The following OR8D4 variants were observed in gnomAD, a reference collection of about 807,000 sequenced individuals.
OR8D4 encodes olfactory receptor 8D4.
For missense variants in OR8D4, 359 were observed against 372.6 expected, an observed-to-expected ratio of 0.96 and a Z score of 0.30; for synonymous variants, 141 against 134.8, an observed-to-expected ratio of 1.05 and a Z score of -0.32.
rs541772190 is a variant in OR8D4, at chr11:123,902,194, C to G, written c.-79C>G. 2.0e-5 allele frequency: 3 copies of G among 152,174 alleles called. No homozygotes were observed. Among genetic ancestry groups the G allele is most frequent in the African/African-American group, 7.2e-5 (3 of 41,446 alleles). The allele number at this position is 152,174 out of a possible 1,614,324, so 9.4% of individuals were successfully genotyped here. A position where few individuals can be genotyped will look rare whatever the true frequency, so the allele number is the denominator to read the frequency against. On this transcript the variant is annotated 5_prime_UTR_variant, in exon 1 of 2. Coordinates refer to ENST00000641687, the MANE Select transcript of OR8D4 (RefSeq NM_001005197.2). Reference sequence around the variant, plus strand: ...AGAAGGTAAAATCAATCCATCTCTACTCCTGAAGTGATGAGGTTAGGAGAA... The same window carrying G: ...AGAAGGTAAAATCAATCCATCTCTAGTCCTGAAGTGATGAGGTTAGGAGAA...
chr11:123,903,029 C>T lies in OR8D4; in HGVS notation c.-16+772C>T, dbSNP rs1365611703. 3.6e-5 allele frequency among the ~76,000 whole-genome samples: 4 copies of T among 109,594 alleles called. No individual in the cohort carries two copies. In the South Asian group the frequency reaches 8.6e-4, roughly 24 times the overall value. The allele number at this position is 109,594 out of a possible 152,430, so 71.9% of individuals were successfully genotyped here. On this transcript the variant is annotated intron_variant, in intron 1 of 1. Coordinates refer to ENST00000641687, the MANE Select transcript of OR8D4 (RefSeq NM_001005197.2). ...CCACATCTGTGGATTCAACCAATGG[C>T]AGATGGAAGATTTTTTTTTAATGGG...
Position 123,907,430 on chromosome 11 carries a change from A to C in OR8D4, c.*54A>C, listed in dbSNP as rs1049934303. On this transcript the variant is annotated 3_prime_UTR_variant, in exon 2 of 2. Transcript: ENST00000641687. ...TATTCATAATCATGATTATATGTAT[A>C]TATTTATACCTTGACTATTTAAAAG... 1 of 762,784 alleles carries C rather than the reference A, an allele frequency of 1.3e-6. No individual in the cohort carries two copies. The highest frequency in any genetic ancestry group is 2.1e-6 in the Non-Finnish European group (1 of 476,386). 47.3% of individuals were successfully genotyped at this position (762,784 alleles called of 1,614,324 possible). A position where few individuals can be genotyped will look rare whatever the true frequency, so the allele number is the denominator to read the frequency against.
chr11:123,909,030 T>C lies in OR8D4; in HGVS notation c.*1654T>C, dbSNP rs1863228680. 1 of 152,176 alleles carries C rather than the reference T, an allele frequency of 6.6e-6. No homozygotes were observed. The highest frequency in any genetic ancestry group is 2.4e-5 in the African/African-American group (1 of 41,450). 9.4% of individuals were successfully genotyped at this position (152,176 alleles called of 1,614,324 possible). A position where few individuals can be genotyped will look rare whatever the true frequency, so the allele number is the denominator to read the frequency against. ...ACATTTGAAAAATATCTTCTGGTTA[T>C]TGATTAGAAAATAGATAGATATTTA... On this transcript the variant is annotated 3_prime_UTR_variant, in exon 2 of 2. Coordinates refer to ENST00000641687, the MANE Select transcript of OR8D4 (RefSeq NM_001005197.2).
At chr11:123,906,324 A>G in intron 1 of OR8D4, 93 bp from the exon 2 acceptor site, 1 of 764,256 alleles carries the variant, frequency 1.3e-6, no homozygotes, top group Non-Finnish European at 2.1e-6. Context: ...CGTAACACAA[A>G]GTCAGTGTTT....
chr11:123,907,436 A>G lies in OR8D4; in HGVS notation c.*60A>G. The G allele has an allele frequency of 4.1e-6, 3 of 739,522 alleles. No individual in the cohort carries two copies. Among genetic ancestry groups the G allele is most frequent in the Non-Finnish European group, 6.5e-6 (3 of 463,580 alleles). The allele number at this position is 739,522 out of a possible 1,614,324, so 45.8% of individuals were successfully genotyped here. ...TAATCATGATTATATGTATATATTT[A>G]TACCTTGACTATTTAAAAGTAATTT... On this transcript the variant is annotated 3_prime_UTR_variant, in exon 2 of 2. Transcript: ENST00000641687.
At position 123,906,740 on chromosome 11, in the gene OR8D4, T is replaced by C; in HGVS notation, c.309T>C (p.Phe103=). 6.2e-7 allele frequency: 1 copy of C among 1,614,074 alleles called. No individual in the cohort carries two copies. Among genetic ancestry groups the C allele is most frequent in the Non-Finnish European group, 8.5e-7 (1 of 1,179,954 alleles). ...SYSGCMIQLF[F]FCVCVISECY... is the part of the protein sequence containing the mutation. The stretch of plus-strand genomic sequence containing the variant: ...CTGGATGCATGATTCAGCTGTTTTT[T>C]TTCTGTGTTTGTGTTATTTCTGAAT... Residue 103 remains phenylalanine (F), a synonymous_variant, in exon 2 of 2, where the codon TTT becomes TTC. Transcript: ENST00000641687.
At chr11:123,903,634 G>C (rs1265252002) in intron 1 of OR8D4, among the ~76,000 whole-genome samples, 1 of 152,088 alleles carries the variant, frequency 6.6e-6, no homozygotes, top group African/African-American at 2.4e-5. Flanking sequence ...TGTATCCCTA[G>C]GCTAGTCAAG....
intron 1 of OR8D4, among the ~76,000 whole-genome samples, chr11:123,903,971 G>A (rs1205593360): frequency 4.6e-5 from 7 of 152,078 alleles, no homozygotes; most frequent in Non-Finnish European, 1.5e-5. Context: ...GTTTAGAGAA[G>A]GAAACAAGAA....
Position 123,907,087 on chromosome 11 carries a change from CT to C in OR8D4, c.660del (p.Phe220LeufsTer26). 6.2e-7 allele frequency: 1 copy of C among 1,614,020 alleles called. No individual in the cohort carries two copies. Among genetic ancestry groups the C allele is most frequent in the African/African-American group, 1.3e-5 (1 of 75,020 alleles). The part of the protein sequence containing the change: ...ATSLTIIISY[A>X]FILTSILRIH... ...AGCCTAACAATCATTATTTCATATGCTTTTATCCTCACCAGCATCCTGCGCA... is the reference window on the plus strand; with the variant it reads ...AGCCTAACAATCATTATTTCATATGCTTTATCCTCACCAGCATCCTGCGCA... On this transcript the variant is annotated frameshift_variant, in exon 2 of 2. Coordinates refer to ENST00000641687, the MANE Select transcript of OR8D4 (RefSeq NM_001005197.2). LOFTEE classifies it low-confidence loss of function (END_TRUNC).
In OR8D4 at chr11:123,906,509, C is replaced by T; in HGVS notation, c.78C>T (p.Pro26=). 6.2e-7 allele frequency: 1 copy of T among 1,613,830 alleles called. No homozygotes were observed. Among genetic ancestry groups the T allele is most frequent in the South Asian group, 1.1e-5 (1 of 91,058 alleles). ...GLTEQAELQL[P]LFCLFLGIYT... ...CTGAACAAGCAGAGCTTCAGCTGCC[C>T]CTCTTCTGCCTCTTCTTAGGAATTT... Residue 26 remains proline, a synonymous_variant, in exon 2 of 2, where the codon CCC becomes CCT. Transcript: ENST00000641687.
intron 1 of OR8D4, chr11:123,906,192 C>T (rs1040117614): frequency 6.8e-6 from 3 of 442,884 alleles, no homozygotes; most frequent in Admixed American, 4.0e-5. Context: ...AAGGTTCTGT[C>T]GTTTGCTAAG....
At position 123,908,573 on chromosome 11, in the gene OR8D4, GGT is replaced by G. The variant is rs1390116069; in HGVS notation, c.*1198_*1199del. ...ATATTATGGTGAATATGATAGACAA[GGT>G]ATCTCTTTACTTTTAGGGGGTGAAA... is the stretch of plus-strand genomic sequence containing the variant. On this transcript the variant is annotated 3_prime_UTR_variant, in exon 2 of 2. Transcript: ENST00000641687. 3 of 152,046 alleles carry G rather than the reference GGT, an allele frequency of 2.0e-5. No homozygotes were observed. The highest frequency in any genetic ancestry group is 7.2e-5 in the African/African-American group (3 of 41,404). The allele number at this position is 152,046 out of a possible 1,614,324, so 9.4% of individuals were successfully genotyped here. A position where few individuals can be genotyped will look rare whatever the true frequency, so the allele number is the denominator to read the frequency against.
intron 1 of OR8D4, 155 bp from the exon 2 acceptor site, chr11:123,906,262 T>G (rs1346062303): frequency 1.8e-6 from 1 of 565,588 alleles, no homozygotes; most frequent in Non-Finnish European, 3.1e-6. Flanking sequence ...AATCTATAGG[T>G]AGGTAGATGC....
intron 1 of OR8D4, among the ~76,000 whole-genome samples, chr11:123,902,933 T>C (rs140818585): frequency 0.016 from 2,441 of 152,176 alleles, 28 homozygotes; most frequent in Middle Eastern, 0.031. Flanking sequence ...TTTTAAAATA[T>C]GAATTATATG....
chr11:123,907,335 A>G lies in OR8D4; in HGVS notation c.904A>G (p.Met302Val). 1 of 1,498,098 alleles carries G rather than the reference A, an allele frequency of 6.7e-7. No individual in the cohort carries two copies. The highest frequency in any genetic ancestry group is 9.1e-7 in the Non-Finnish European group (1 of 1,093,144). 92.8% of individuals were successfully genotyped at this position (1,498,098 alleles called of 1,614,324 possible). ...LRNNEVRNALMKLLRRKISLS... is the reference protein window; with the variant it reads ...LRNNEVRNALVKLLRRKISLS... ...GAACAATGAAGTAAGAAATGCTCTG[A>G]TGAAACTTTTAAGAAGAAAAATATC... is the stretch of plus-strand genomic sequence containing the variant. The change falls in exon 2 of 2, where the codon ATG becomes GTG. Residue 302 changes from methionine to valine, a missense_variant. Physicochemically the swap from Met to Val is conservative, Grantham distance 21 (BLOSUM62 1). Transcript: ENST00000641687.
intron 1 of OR8D4, among the ~76,000 whole-genome samples, chr11:123,903,961 G>GT (rs1863180556): frequency 6.6e-6 from 1 of 152,116 alleles, no homozygotes; most frequent in Non-Finnish European, 1.5e-5. Flanking sequence ...AATCAGAAAA[G>GT]TTTAGAGAAG....
intron 1 of OR8D4, among the ~76,000 whole-genome samples, chr11:123,902,627 A>T (rs57350550): frequency 7.6e-4 from 115 of 152,298 alleles, no homozygotes; most frequent in African/African-American, 2.8e-3. Context: ...AAGTTCAGAG[A>T]GACTTTATGA....
rs746847431 is a variant in OR8D4, at chr11:123,907,417, T to C, written c.*41T>C. The C allele has an allele frequency of 1.2e-6, 1 of 823,926 alleles. No individual in the cohort carries two copies. The highest frequency in any genetic ancestry group is 1.9e-5 in the South Asian group (1 of 53,814). The allele number at this position is 823,926 out of a possible 1,614,324, so 51.0% of individuals were successfully genotyped here. On this transcript the variant is annotated 3_prime_UTR_variant, in exon 2 of 2. Transcript: ENST00000641687. ...AGATCTATTTCTGTATTCATAATCA[T>C]GATTATATGTATATATTTATACCTT...
In OR8D4 at chr11:123,906,755, T is replaced by G; in HGVS notation, c.324T>G (p.Val108=). 1.9e-6 allele frequency: 3 copies of G among 1,614,068 alleles called. No individual in the cohort carries two copies. The highest frequency in any genetic ancestry group is 2.5e-6 in the Non-Finnish European group (3 of 1,179,938). Residue 108 remains valine, a synonymous_variant, in exon 2 of 2, where the codon GTT becomes GTG. Transcript: ENST00000641687. ...MIQLFFFCVC[V]ISECYMLAAM... ...AGCTGTTTTTTTTCTGTGTTTGTGT[T>G]ATTTCTGAATGCTACATGCTGGCAG...
Sources: gnomAD v4.1 joint callset for allele counts (sites outside exome capture counted in the v4.1 genomes callset) on GRCh38, gnomAD v4.1.1 for gene constraint, MANE v1.5 for transcripts, NCBI Gene and HGNC (gene_info 2026-07-23, HGNC 2026-07-21) for gene names.